The following KLHL32 variants were observed in gnomAD, a reference collection of about 807,000 sequenced individuals.
KLHL32 encodes the protein kelch-like protein 32.
A neutral mutation model predicts 64.8 loss-of-function variants in KLHL32; 35 were observed. The observed-to-expected ratio is 0.54, with a 90% CI of 0.41 to 0.72. The LOEUF (loss-of-function observed/expected upper bound fraction) is 0.72, where lower values mean the gene tolerates loss of function less well. KLHL32 is among the 30% of genes least tolerant of loss of function. The pLI is 0.00. For synonymous variants in KLHL32, 259 were observed against 281.0 expected (o/e 0.92, Z 0.78); for missense variants, 589 against 768.5 (o/e 0.77, Z 2.76).
intron 1 of KLHL32, among the ~76,000 whole-genome samples, chr6:96,962,599 A>T (rs952734620): frequency 6.6e-6 from 1 of 152,208 alleles, no homozygotes; most frequent in African/African-American, 2.4e-5. Context: ...AAAAGAAAAA[A>T]TTCACAGAGA....
At chr6:97,050,629 A>G (rs1361914541) in intron 4 of KLHL32, among the ~76,000 whole-genome samples, 1 of 152,192 alleles carries the variant, frequency 6.6e-6, no homozygotes, top group Non-Finnish European at 1.5e-5. Context: ...ACATTAATCT[A>G]GCATTCTACT....
rs1485019117 is a variant in KLHL32 at position 96,987,765 on chromosome 6, A to G, written c.204+11588A>G. Among the ~76,000 whole-genome samples the G allele has an allele frequency of 2.6e-5, 4 of 152,304 alleles. No individual in the cohort carries two copies. In the South Asian group the frequency reaches 8.3e-4, roughly 32 times the overall value. On this transcript the variant is annotated intron_variant, in intron 3 of 10. Transcript: ENST00000369261. ...GGTACCAAAACAGAGATATAGACCA[A>G]TGGAACAGAACAGAGCCCTCAGAAA...
At chr6:96,954,859 A>G (rs1019352918) in intron 1 of KLHL32, among the ~76,000 whole-genome samples, 2 of 152,150 alleles carry the variant, frequency 1.3e-5, no homozygotes, top group Non-Finnish European at 2.9e-5. Flanking sequence ...TAGTTTCTCT[A>G]TTGTCAACTG....
chr6:97,083,389 C>A (rs1410640679), intron 5 of KLHL32, among the ~76,000 whole-genome samples: 3 of 140,866 alleles, frequency 2.1e-5, no homozygotes, highest in African/African-American at 2.6e-5. Flanking sequence ...GACTCCGTCT[C>A]AAAAAAAAAA....
At chr6:97,085,850 T>C (rs181001164) in intron 6 of KLHL32, among the ~76,000 whole-genome samples, 1 of 152,338 alleles carries the variant, frequency 6.6e-6, no homozygotes, top group African/African-American at 2.4e-5. Flanking sequence ...CTTAGTTCAT[T>C]CTGCATTCAT....
chr6:97,100,407 T>A (rs1451724647), intron 6 of KLHL32, among the ~76,000 whole-genome samples: 1 of 152,118 alleles, frequency 6.6e-6, no homozygotes, highest in African/African-American at 2.4e-5. Context: ...TCCCCAGCCC[T>A]ACCAGCTGGC....
intron 3 of KLHL32, among the ~76,000 whole-genome samples, chr6:96,987,981 A>T (rs1346386507): frequency 6.6e-6 from 1 of 152,228 alleles, no homozygotes; most frequent in Non-Finnish European, 1.5e-5. Context: ...TACATGTTAG[A>T]CCTAAAACCA....
intron 3 of KLHL32, among the ~76,000 whole-genome samples, chr6:97,013,183 A>G (rs1475523945): frequency 1.3e-5 from 2 of 152,246 alleles, no homozygotes; most frequent in Non-Finnish European, 2.9e-5. Flanking sequence ...ACTTTATGAG[A>G]AAAATATGTG....
At chr6:96,922,974 G>A (rs1172581611), upstream of KLHL32, among the ~76,000 whole-genome samples, 4 of 152,172 alleles carry the variant, frequency 2.6e-5, no homozygotes, top group Non-Finnish European at 5.9e-5. Flanking sequence ...TCAACGCCAT[G>A]TGTCAATGAA....
At chr6:97,053,719 G>GT (rs761233041) in intron 4 of KLHL32, among the ~76,000 whole-genome samples, 6 of 150,818 alleles carry the variant, frequency 4.0e-5, no homozygotes, top group South Asian at 4.2e-4. Flanking sequence ...AAGTACATTT[G>GT]TTTTTTTTAA....
At chr6:96,989,212 A>C (rs1777545373) in intron 3 of KLHL32, among the ~76,000 whole-genome samples, 1 of 152,138 alleles carries the variant, frequency 6.6e-6, no homozygotes, top group African/African-American at 2.4e-5. Context: ...CTATATACAT[A>C]AGTGTTTTTG....
chr6:96,915,331 AAAGAT>A, the KLHL32 span, among the ~76,000 whole-genome samples: 1 of 152,206 alleles, frequency 6.6e-6, no homozygotes, highest in Non-Finnish European at 1.5e-5. Flanking sequence ...AGGCACAAAA[AAAGAT>A]AAGACCCTCC....
In KLHL32 at chr6:96,988,265, C is replaced by T. The variant is rs535923351; in HGVS notation, c.204+12088C>T. On this transcript the variant is annotated intron_variant, in intron 3 of 10. Transcript: ENST00000369261. Reference sequence around the variant, plus strand: ...CTCAAACAAATCTACAAGAAAAAAACAAACAACCCCATCCACAAGTGGGTG... The same window carrying T: ...CTCAAACAAATCTACAAGAAAAAAATAAACAACCCCATCCACAAGTGGGTG... 3.8e-4 allele frequency among the ~76,000 whole-genome samples: 58 copies of T among 152,082 alleles called. 1 individual carries two copies. In the South Asian group the frequency reaches 9.8e-3, roughly 26 times the overall value.
At chr6:96,991,779 C>A (rs1777903361) in intron 3 of KLHL32, among the ~76,000 whole-genome samples, 1 of 152,088 alleles carries the variant, frequency 6.6e-6, no homozygotes, top group Non-Finnish European at 1.5e-5. Flanking sequence ...CAAGAAAGTG[C>A]AGAGCTGCTA....
In KLHL32 at chr6:97,140,026, CT is replaced by C. The variant is rs1800510767; in HGVS notation, c.*745del. On this transcript the variant is annotated 3_prime_UTR_variant, in exon 11 of 11. Coordinates refer to ENST00000369261, the MANE Select transcript of KLHL32 (RefSeq NM_052904.4). ...CCCAAGAAAAAGAAAAATGTTGTTA[CT>C]GAAATTATAAGGTATTTTATTGTCT... is the stretch of plus-strand genomic sequence containing the variant. The C allele has an allele frequency of 6.6e-6, 1 of 152,014 alleles. No homozygotes were observed. Among genetic ancestry groups the C allele is most frequent in the Non-Finnish European group, 1.5e-5 (1 of 67,984 alleles). 9.4% of individuals were successfully genotyped at this position (152,014 alleles called of 1,614,324 possible). A position where few individuals can be genotyped will look rare whatever the true frequency, so the allele number is the denominator to read the frequency against.
chr6:97,029,201 G>A (rs1041980308), intron 3 of KLHL32, among the ~76,000 whole-genome samples: 2 of 152,142 alleles, frequency 1.3e-5, no homozygotes, highest in African/African-American at 4.8e-5. Flanking sequence ...TCAAGAGGAG[G>A]AGAATTCTAA....
chr6:96,921,917 A>G (rs571924431), upstream of KLHL32, among the ~76,000 whole-genome samples: 1 of 152,348 alleles, frequency 6.6e-6, no homozygotes, highest in East Asian at 1.9e-4. Context: ...GATGCTTATC[A>G]AAGTATATTA....
intron 5 of KLHL32, among the ~76,000 whole-genome samples, chr6:97,073,640 A>G (rs74497251): frequency 0.031 from 4,670 of 152,264 alleles, 234 homozygotes; most frequent in African/African-American, 0.1. Flanking sequence ...TGCATGTACC[A>G]TAAGAGCTCC....
chr6:97,050,494 T>C (rs1368734114), intron 4 of KLHL32, among the ~76,000 whole-genome samples: 2 of 152,172 alleles, frequency 1.3e-5, no homozygotes, highest in Non-Finnish European at 2.9e-5. Flanking sequence ...GGCTTGTGTA[T>C]TTTGGAGAGA....
Sources: allele counts gnomAD v4.1 joint callset (sites outside exome capture counted in the v4.1 genomes callset), GRCh38; gene constraint gnomAD v4.1.1; transcripts MANE v1.5; gene names NCBI Gene and HGNC (gene_info 2026-07-23, HGNC 2026-07-21).